Variants in GRM7 observed in about 807,000 individuals in gnomAD.
The protein encoded by GRM7 is glutamate metabotropic receptor 7, also known as metabotropic glutamate receptor 7.
A neutral mutation model predicts 84.5 loss-of-function variants in GRM7; 35 were observed. The observed-to-expected ratio is 0.41, with a 90% confidence interval of 0.32 to 0.55. The LOEUF is 0.55. Ranked by LOEUF, GRM7 falls within the 20% of genes least tolerant of loss-of-function variation. GRM7 has a pLI of 0.19. For synonymous variants in GRM7, 487 were observed against 455.1 expected, an observed-to-expected ratio of 1.07 and a Z score of -0.89; for missense variants, 1,003 against 1,194.6, an observed-to-expected ratio of 0.84 and a Z score of 2.36.
intron 4 of GRM7, among the ~76,000 whole-genome samples, chr3:7,317,770 A>G (rs998890921): frequency 3.9e-5 from 6 of 152,052 alleles, no homozygotes; most frequent in African/African-American, 7.2e-5. Context: ...TTCTACAAAA[A>G]AAAAACTGTG....
chr3:7,484,924 C>T (rs947228723), intron 7 of GRM7, among the ~76,000 whole-genome samples: 1 of 152,184 alleles, frequency 6.6e-6, no homozygotes, highest in Middle Eastern at 3.2e-3. Context: ...TTGGTGCTTT[C>T]TCTTATACTG....
At chr3:7,722,568 G>A (rs78752618) in intron 9 of GRM7, among the ~76,000 whole-genome samples, 5,810 of 151,432 alleles carry the variant, frequency 0.038, 381 homozygotes, top group African/African-American at 0.13. Context: ...TTAGACTCCC[G>A]AGTAGCTGGG....
At chr3:7,259,953 G>GGTTTTTTTTTTTT (rs1698351025) in intron 2 of GRM7, among the ~76,000 whole-genome samples, 2 of 89,668 alleles carry the variant, frequency 2.2e-5, no homozygotes, top group African/African-American at 5.9e-5. Flanking sequence ...ACCAGCATCT[G>GGTTTTTTTTTTTT]TTTTTTTTTT....
At chr3:7,014,815 A>C (rs1246136481) in intron 1 of GRM7, among the ~76,000 whole-genome samples, 1 of 152,178 alleles carries the variant, frequency 6.6e-6, no homozygotes, top group Non-Finnish European at 1.5e-5. Flanking sequence ...TGAGAGGTGA[A>C]GCCAGCTGGA....
At chr3:7,716,905 A>G (rs947777463) in intron 9 of GRM7, among the ~76,000 whole-genome samples, 1 of 152,176 alleles carries the variant, frequency 6.6e-6, no homozygotes, top group Non-Finnish European at 1.5e-5. Context: ...GTTTCATTTC[A>G]CAGGATTGAA....
At chr3:6,865,591 G>A (rs867695492) in intron 1 of GRM7, among the ~76,000 whole-genome samples, 4 of 151,714 alleles carry the variant, frequency 2.6e-5, no homozygotes, top group African/African-American at 4.8e-5. Context: ...TGGAAAAAGC[G>A]GTCAACTCTA....
At chr3:7,226,237 T>C (rs942973176) in intron 2 of GRM7, among the ~76,000 whole-genome samples, 1 of 152,146 alleles carries the variant, frequency 6.6e-6, no homozygotes, top group African/African-American at 2.4e-5. Context: ...AGGTCAGAAT[T>C]CAAGGCAAAA....
intron 1 of GRM7, among the ~76,000 whole-genome samples, chr3:7,119,326 A>C (rs1282517357): frequency 6.6e-6 from 1 of 152,028 alleles, no homozygotes; most frequent in Admixed American, 6.6e-5. Flanking sequence ...AAAAAATTGC[A>C]TGATGATTTT....
chr3:7,127,227 G>A (rs768851287), intron 1 of GRM7, among the ~76,000 whole-genome samples: 12 of 152,272 alleles, frequency 7.9e-5, no homozygotes, highest in Admixed American at 4.6e-4. Flanking sequence ...TATTGACAGC[G>A]TCACACCTTT....
intron 1 of GRM7, among the ~76,000 whole-genome samples, chr3:7,026,932 G>A (rs74668910): frequency 6.6e-6 from 1 of 152,082 alleles, no homozygotes; most frequent in Non-Finnish European, 1.5e-5. Context: ...AATTTCTGGC[G>A]CTGGCCAATC....
chr3:7,269,080 TA>T (rs930588327), intron 2 of GRM7, among the ~76,000 whole-genome samples: 15 of 152,174 alleles, frequency 9.9e-5, no homozygotes, highest in Admixed American at 2.0e-4. Flanking sequence ...TCAAGGGCAA[TA>T]AAAAAACAGA....
intron 1 of GRM7, among the ~76,000 whole-genome samples, chr3:7,018,652 G>C (rs892695853): frequency 1.3e-5 from 2 of 152,224 alleles, no homozygotes; most frequent in African/African-American, 4.8e-5. Context: ...ACGTGCACCT[G>C]AGGGAAGCTA....
At chr3:7,172,963 G>A (rs1695033693) in intron 2 of GRM7, among the ~76,000 whole-genome samples, 1 of 151,634 alleles carries the variant, frequency 6.6e-6, no homozygotes, top group Admixed American at 6.6e-5. Flanking sequence ...TTTATTATAT[G>A]TATGTGTATG....
chr3:7,096,901 A>G (rs774764830), intron 1 of GRM7, among the ~76,000 whole-genome samples: 11 of 152,184 alleles, frequency 7.2e-5, no homozygotes, highest in Non-Finnish European at 1.3e-4. Flanking sequence ...TCTTCATTAA[A>G]ATCATTACAT....
intron 2 of GRM7, among the ~76,000 whole-genome samples, chr3:7,206,969 G>C (rs1406313795): frequency 6.6e-6 from 1 of 152,100 alleles, no homozygotes; most frequent in African/African-American, 2.4e-5. Context: ...GTAAAATGAA[G>C]TCGGAGTTAT....
intron 4 of GRM7, among the ~76,000 whole-genome samples, chr3:7,340,227 T>G (rs1701585708): frequency 6.6e-6 from 1 of 152,142 alleles, no homozygotes; most frequent in Non-Finnish European, 1.5e-5. Flanking sequence ...ATAGTACATT[T>G]TCAATAAACA....
intron 6 of GRM7, among the ~76,000 whole-genome samples, chr3:7,453,300 A>G (rs1381732877): frequency 6.6e-6 from 1 of 152,110 alleles, no homozygotes; most frequent in East Asian, 1.9e-4. Context: ...CAATTCCTAC[A>G]TGATCTATCT....
intron 4 of GRM7, among the ~76,000 whole-genome samples, chr3:7,363,034 A>G (rs1292632454): frequency 6.6e-6 from 1 of 152,094 alleles, no homozygotes; most frequent in Non-Finnish European, 1.5e-5. Context: ...AGGCAGGATG[A>G]TCTCTTGAGC....
intron 1 of GRM7, among the ~76,000 whole-genome samples, chr3:6,899,800 T>G (rs1696320998): frequency 6.6e-6 from 1 of 152,196 alleles, no homozygotes; most frequent in Admixed American, 6.5e-5. Context: ...AACATCAAGA[T>G]GTTCATACTT....
Sources: gnomAD v4.1 joint callset for allele counts (sites outside exome capture counted in the v4.1 genomes callset) on GRCh38, gnomAD v4.1.1 for gene constraint, MANE v1.5 for transcripts, NCBI Gene and HGNC (gene_info 2026-07-23, HGNC 2026-07-21) for gene names.